The following TBC1D8 variants were observed in gnomAD, a reference collection of about 807,000 sequenced individuals.
TBC1D8 encodes the protein BUB2-like protein 1.
Under a neutral mutation model 118.8 loss-of-function variants are expected in TBC1D8, and 65 were observed. That is an observed-to-expected ratio of 0.55 (90% CI 0.45 to 0.67). The LOEUF (loss-of-function observed/expected upper bound fraction) is 0.67, where lower values mean the gene tolerates loss of function less well. Ranked by LOEUF, TBC1D8 falls within the 30% of genes least tolerant of loss-of-function variation. The probability of loss-of-function intolerance (pLI) is 0.00; values close to 1 mark genes in which losing one functional copy is unlikely to be tolerated. For missense variants in TBC1D8, 1,376 were observed against 1,471.2 expected (o/e 0.94, Z 1.06); for synonymous variants, 566 against 595.8 (o/e 0.95, Z 0.73).
intron 2 of TBC1D8, among the ~76,000 whole-genome samples, chr2:101,071,231 G>C (rs930887192): frequency 6.6e-6 from 1 of 151,998 alleles, no homozygotes; most frequent in African/African-American, 2.4e-5. Context: ...TATAGTCCCA[G>C]CTACTCGGGA....
chr2:101,119,531 A>C (rs1181689043), intron 1 of TBC1D8, among the ~76,000 whole-genome samples: 1 of 152,188 alleles, frequency 6.6e-6, no homozygotes, highest in Non-Finnish European at 1.5e-5. Context: ...CTTCTAGAGC[A>C]GGGGTTCTCA....
intron 5 of TBC1D8, among the ~76,000 whole-genome samples, chr2:101,046,181 G>A (rs1282538460): frequency 6.6e-6 from 1 of 152,234 alleles, no homozygotes; most frequent in African/African-American, 2.4e-5. Flanking sequence ...GGAGTCCTAA[G>A]GAAATGTGGA....
At chr2:101,084,227 A>G (rs1574002547) in intron 2 of TBC1D8, among the ~76,000 whole-genome samples, 1 of 152,298 alleles carries the variant, frequency 6.6e-6, no homozygotes, top group East Asian at 1.9e-4. Context: ...ATGGCAGGCA[A>G]TTTGGCAATA....
At chr2:101,120,197 A>G (rs1229530386) in intron 1 of TBC1D8, among the ~76,000 whole-genome samples, 1 of 152,148 alleles carries the variant, frequency 6.6e-6, no homozygotes, top group Admixed American at 6.5e-5. Flanking sequence ...CATCTTGCCC[A>G]CAACACACTG....
intron 15 of TBC1D8, among the ~76,000 whole-genome samples, chr2:101,024,336 T>C (rs1197194277): frequency 6.6e-6 from 1 of 152,018 alleles, no homozygotes; most frequent in African/African-American, 2.4e-5. Context: ...ATCCATGATA[T>C]TAAATGCTGG....
At chr2:101,044,946 G>A (rs987075080) in intron 5 of TBC1D8, among the ~76,000 whole-genome samples, 7 of 152,028 alleles carry the variant, frequency 4.6e-5, no homozygotes, top group South Asian at 2.1e-4. Flanking sequence ...ATGGGGTTTC[G>A]CCATGTTGGC....
intron 17 of TBC1D8, chr2:101,019,163 G>T: frequency 7.5e-7 from 1 of 1,341,086 alleles, no homozygotes. Context: ...CCCTGGCAGA[G>T]GGCCAGGCCT....
chr2:101,014,445 G>A (rs1679464145), intron 17 of TBC1D8, among the ~76,000 whole-genome samples: 1 of 151,994 alleles, frequency 6.6e-6, no homozygotes, highest in Admixed American at 6.5e-5. Flanking sequence ...CATTTTTTGT[G>A]CCCTGTGAGA....
intron 2 of TBC1D8, among the ~76,000 whole-genome samples, chr2:101,088,589 CTTT>C (rs1405632615): frequency 3.3e-5 from 5 of 151,836 alleles, no homozygotes; most frequent in Non-Finnish European, 4.4e-5. Context: ...CCCAGCCTCT[CTTT>C]TTTAAGAAAT....
intron 2 of TBC1D8, among the ~76,000 whole-genome samples, chr2:101,078,198 G>T (rs151021016): frequency 6.6e-6 from 1 of 152,168 alleles, no homozygotes; most frequent in African/African-American, 2.4e-5. Context: ...CCAGTCTTCC[G>T]TTCAGACAGC....
rs1678816663 is a variant in TBC1D8, at chr2:101,007,534, A to G, written c.*287T>C. On this transcript the variant is annotated 3_prime_UTR_variant, in exon 20 of 20. Transcript: ENST00000409318. ...GAGACATTGTGTTCATCTGAGAGCA[A>G]AATCAACACTAGCATCACAGCAGAA... 5 of 387,610 alleles carry G rather than the reference A, an allele frequency of 1.3e-5. No homozygotes were observed. The highest frequency in any genetic ancestry group is 2.3e-5 in the Non-Finnish European group (5 of 213,520). The allele number at this position is 387,610 out of a possible 1,614,324, so 24.0% of individuals were successfully genotyped here. A position where few individuals can be genotyped will look rare whatever the true frequency, so the allele number is the denominator to read the frequency against.
chr2:101,123,789 G>A (rs1393710906), intron 1 of TBC1D8, among the ~76,000 whole-genome samples: 1 of 152,194 alleles, frequency 6.6e-6, no homozygotes, highest in African/African-American at 2.4e-5. Context: ...GCCACATGGA[G>A]AAAACACATA....
intron 15 of TBC1D8, 60 bp from the exon 16 acceptor site, chr2:101,022,581 CACAA>C (rs1478704488): frequency 9.7e-6 from 15 of 1,547,282 alleles, no homozygotes; most frequent in African/African-American, 2.8e-5. Context: ...ACGTTATTAA[CACAA>C]ACAAATACAA....
intron 2 of TBC1D8, among the ~76,000 whole-genome samples, chr2:101,078,741 A>G (rs531346255): frequency 1.4e-5 from 2 of 145,672 alleles, no homozygotes; most frequent in South Asian, 2.2e-4. Flanking sequence ...AGAAAAGAAA[A>G]ACCTTTCTTA....
At chr2:101,098,084 A>G (rs1158057890) in intron 1 of TBC1D8, among the ~76,000 whole-genome samples, 1 of 152,202 alleles carries the variant, frequency 6.6e-6, no homozygotes, top group African/African-American at 2.4e-5. Flanking sequence ...AAAGGTTTTA[A>G]AAAAAGAAAG....
Position 101,116,602 on chromosome 2 carries a change from A to G in TBC1D8, c.128-26238T>C, listed in dbSNP as rs76889747. On this transcript the variant is annotated intron_variant, in intron 1 of 19. Transcript: ENST00000409318. ...TTACCTTATTTTAAAACAGGGCCAC[A>G]TTGAAGGTGTGATGTCAGTTAATAT... Among the ~76,000 whole-genome samples the G allele has an allele frequency of 8.6e-3, 1,307 of 152,086 alleles. 19 individuals carry two copies. Among genetic ancestry groups the G allele is most frequent in the African/African-American group, 0.03 (1,230 of 41,500 alleles).
chr2:101,013,696 T>C (rs1034828099), intron 17 of TBC1D8, among the ~76,000 whole-genome samples: 1 of 152,230 alleles, frequency 6.6e-6, no homozygotes, highest in Non-Finnish European at 1.5e-5. Context: ...TCATTGCCAC[T>C]GCCATCTTCC....
At chr2:101,139,414 C>G (rs1278179630) in intron 1 of TBC1D8, among the ~76,000 whole-genome samples, 5 of 152,140 alleles carry the variant, frequency 3.3e-5, no homozygotes, top group African/African-American at 9.7e-5. Context: ...GTCTCCAGCC[C>G]GCTCCCACGC....
intron 10 of TBC1D8, 190 bp from the exon 11 acceptor site, chr2:101,032,575 C>A (rs1289249450): frequency 3.7e-6 from 2 of 534,980 alleles, no homozygotes; most frequent in African/African-American, 3.8e-5. Flanking sequence ...AGGACACGCC[C>A]AGCTGAGCGA....
Sources: allele counts gnomAD v4.1 joint callset (sites outside exome capture counted in the v4.1 genomes callset), GRCh38; gene constraint gnomAD v4.1.1; transcripts MANE v1.5; gene names NCBI Gene and HGNC (gene_info 2026-07-23, HGNC 2026-07-21).